The following DCST1 variants were observed in gnomAD, a reference collection of about 807,000 sequenced individuals.
DCST1 encodes E3 ubiquitin-protein ligase DCST1.
DCST1 carries 78 observed loss-of-function variants against 89.1 expected under a neutral mutation model. The ratio of observed to expected loss-of-function variants is 0.88; its 90% confidence interval spans 0.73 to 1.06. The LOEUF (loss-of-function observed/expected upper bound fraction) is 1.06. DCST1 is among the 50% of genes least tolerant of loss of function. The pLI is 0.00. For missense variants in DCST1, 900 were observed against 928.6 expected, an observed-to-expected ratio of 0.97 and a Z score of 0.40; for synonymous variants, 364 against 371.9, an observed-to-expected ratio of 0.98 and a Z score of 0.24.
chr1:155,040,980 G>A (rs988897099), intron 6 of DCST1, among the ~76,000 whole-genome samples: 1 of 152,128 alleles, frequency 6.6e-6, no homozygotes, highest in Non-Finnish European at 1.5e-5. Flanking sequence ...GAGACTGGGG[G>A]TTTGGGAGAA....
chr1:155,035,654 G>C (rs1382360024), intron 4 of DCST1, among the ~76,000 whole-genome samples: 2 of 152,146 alleles, frequency 1.3e-5, no homozygotes, highest in Non-Finnish European at 2.9e-5. Flanking sequence ...AACAGGCCAG[G>C]CACAATGGCT....
Position 155,043,415 on chromosome 1 carries a change from C to T in DCST1, c.1078C>T (p.Arg360Trp), listed in dbSNP as rs142085748. The change falls in exon 10 of 17, where the codon CGG (arginine) becomes TGG (tryptophan). Residue 360 changes from arginine to tryptophan, a missense_variant. Arg to Trp is a moderately radical substitution (Grantham distance 101). Coordinates refer to ENST00000295542, the MANE Select transcript of DCST1 (RefSeq NM_152494.4). The stretch of plus-strand genomic sequence containing the variant: ...CTGGGAGCGCGTGAGCACCGAGGTG[C>T]GGGACTACGTGTACCGCCAGGAGGC... ...TSWERVSTEV[R>W]DYVYRQEARL... The T allele has an allele frequency of 1.6e-4, 257 of 1,611,466 alleles. No individual in the cohort carries two copies. The African/African-American group carries it at 1.7e-3, about 11-fold the overall frequency.
At position 155,034,706 on chromosome 1, in the gene DCST1, A is replaced by T; in HGVS notation, c.241A>T (p.Met81Leu). 1 of 1,614,160 alleles carries T rather than the reference A, an allele frequency of 6.2e-7. No individual in the cohort carries two copies. The highest frequency in any genetic ancestry group is 8.5e-7 in the Non-Finnish European group (1 of 1,180,040). Residue 81 changes from methionine (M) to leucine (L), a missense_variant, in exon 4 of 17, where the codon ATG becomes TTG. Physicochemically the swap from Met to Leu is conservative, Grantham distance 15 (BLOSUM62 2). Transcript: ENST00000295542. The part of the protein sequence containing the change: ...PMNIYEEQKI[M>L]FLYSLVGLGA... ...GAACATCTACGAAGAACAGAAGATT[A>T]TGTTCTTGTACAGCTTGGTGGGTTA... is the stretch of plus-strand genomic sequence containing the variant.
chr1:155,041,021 G>A lies in DCST1; in HGVS notation c.532-376G>A, dbSNP rs534594441. 2.0e-5 allele frequency among the ~76,000 whole-genome samples: 3 copies of A among 152,196 alleles called. No homozygotes were observed. The South Asian group carries it at 6.2e-4, about 32-fold the overall frequency. ...GAGCTGGAGAGTTGGGGACATGGGG[G>A]CTGAGGGGTTTGGAAGTTGGGGGCA... On this transcript the variant is annotated intron_variant, in intron 6 of 16. Transcript: ENST00000295542.
chr1:155,040,785 TG>T (rs1471337273), intron 6 of DCST1, among the ~76,000 whole-genome samples, 161 bp downstream of exon 6: 1 of 152,270 alleles, frequency 6.6e-6, no homozygotes, highest in African/African-American at 2.4e-5. Context: ...GCCCTGGTCC[TG>T]GTGTTAAATG....
intron 16 of DCST1, chr1:155,049,003 G>A (rs1337366540): frequency 5.6e-6 from 4 of 716,906 alleles, no homozygotes; most frequent in Non-Finnish European, 1.0e-5. Flanking sequence ...GGTCTTCACT[G>A]AGCCTCAGTT....
intron 13 of DCST1, among the ~76,000 whole-genome samples, chr1:155,046,790 G>C (rs2102362075): frequency 6.6e-6 from 1 of 152,000 alleles, no homozygotes; most frequent in South Asian, 2.1e-4. Context: ...ATTTTTAGTA[G>C]AGACAGAGTT....
chr1:155,050,601 G>C lies in DCST1; in HGVS notation c.1870-16G>C. ...GCCTCGCTCCCGGGCTGGCGCTAAC[G>C]CCCACCTCCCAACAGCGCCACCCGC... is the stretch of plus-strand genomic sequence containing the variant. On this transcript the variant is annotated splice_polypyrimidine_tract_variant and intron_variant, in intron 16 of 16. Transcript: ENST00000295542. 1 of 1,562,202 alleles carries C rather than the reference G, an allele frequency of 6.4e-7. No homozygotes were observed.
intron 4 of DCST1, among the ~76,000 whole-genome samples, chr1:155,036,655 T>G (rs1216181267): frequency 1.3e-5 from 2 of 152,260 alleles, no homozygotes; most frequent in East Asian, 3.8e-4. Context: ...GACAAAAGTC[T>G]TAAGTCACTA....
At position 155,050,858 on chromosome 1, in the gene DCST1, A is replaced by G; in HGVS notation, c.2111A>G (p.Tyr704Cys). The G allele has an allele frequency of 6.2e-7, 1 of 1,609,798 alleles. No homozygotes were observed. The highest frequency in any genetic ancestry group is 1.3e-5 in the African/African-American group (1 of 74,968). The stretch of plus-strand genomic sequence containing the variant: ...AGTGACAGCAACGACGACACTGCCT[A>G]CGCGGGGTGAAGAGGCGTCCTGCTC... ...AFSDSNDDTA[Y>C]AG Residue 704 changes from tyrosine to cysteine, a missense_variant, in exon 17 of 17, where the codon TAC becomes TGC. Tyr to Cys is a radical substitution (Grantham distance 194). Transcript: ENST00000295542.
At chr1:155,039,345 T>A in intron 4 of DCST1, 58 bp from the exon 5 acceptor site, 1 of 1,463,926 alleles carries the variant, frequency 6.8e-7, no homozygotes, top group Non-Finnish European at 9.1e-7. Flanking sequence ...CTGGTAAACG[T>A]GAGGAAGGGA....
In DCST1 at chr1:155,050,702, C is replaced by G. The variant is rs770372831; in HGVS notation, c.1955C>G (p.Pro652Arg). 2.5e-6 allele frequency: 4 copies of G among 1,606,498 alleles called. No individual in the cohort carries two copies. The Admixed American group carries it at 5.0e-5, about 20-fold the overall frequency. The change falls in exon 17 of 17, where the codon CCC (proline) becomes CGC (arginine). Residue 652 changes from proline to arginine, a missense_variant. By Grantham distance (103) the Pro-to-Arg change is moderately radical (BLOSUM62 -2). Transcript: ENST00000295542. ...CGGCGCTGCGTGGTGTGCCAGGCAC[C>G]CGAGACGCCCGAGTCCTACGTGTGC... ...LCRRCVVCQA[P>R]ETPESYVCRT...
intron 12 of DCST1, 57 bp from the exon 13 acceptor site, chr1:155,046,303 G>A: frequency 6.2e-7 from 1 of 1,614,032 alleles, no homozygotes; most frequent in Non-Finnish European, 8.5e-7. Context: ...ACCAGAGAGT[G>A]CTCCGTGCCC....
At position 155,050,695 on chromosome 1, in the gene DCST1, C is replaced by T. The variant is rs781662847; in HGVS notation, c.1948C>T (p.Gln650Ter). 2.5e-6 allele frequency: 4 copies of T among 1,605,780 alleles called. No individual in the cohort carries two copies. Among genetic ancestry groups the T allele is most frequent in the Non-Finnish European group, 3.4e-6 (4 of 1,177,334 alleles). ...RWLCRRCVVCQAPETPESYVC... is the reference protein window; with the variant it reads ...RWLCRRCVVC ...GCTGTGCCGGCGCTGCGTGGTGTGCCAGGCACCCGAGACGCCCGAGTCCTA... is the reference window on the plus strand; with the variant it reads ...GCTGTGCCGGCGCTGCGTGGTGTGCTAGGCACCCGAGACGCCCGAGTCCTA... Residue 650 changes from glutamine (Q) to a stop codon, truncating the protein, a stop_gained, in exon 17 of 17, where the codon CAG becomes TAG. Transcript: ENST00000295542. LOFTEE classifies it high-confidence loss of function.
chr1:155,035,051 A>AATTCATTCATTCATTC (rs34390501), intron 4 of DCST1: 1 of 284,566 alleles, frequency 3.5e-6, no homozygotes, highest in African/African-American at 2.2e-5. Context: ...TAAGAAATTA[A>AATTCATTCATTCATTC]ATTCATTCAT....
At chr1:155,047,175 T>C (rs776534912) in intron 13 of DCST1, 21 bp from the exon 14 acceptor site, 4 of 1,601,728 alleles carry the variant, frequency 2.5e-6, no homozygotes, top group Non-Finnish European at 3.4e-6. Flanking sequence ...CTGACTTCCC[T>C]ACCTGTCCTC....
At chr1:155,042,965 C>A in intron 9 of DCST1, 109 bp downstream of exon 9, 1 of 1,463,532 alleles carries the variant, frequency 6.8e-7, no homozygotes, top group South Asian at 1.4e-5. Flanking sequence ...AAAGAGGTGA[C>A]CAGGGGTGAG....
At chr1:155,049,157 C>T (rs559742767) in intron 16 of DCST1, 46 of 700,040 alleles carry the variant, frequency 6.6e-5, no homozygotes, top group South Asian at 5.2e-4. Flanking sequence ...ACTATGACAA[C>T]GGTGTGACCT....
At position 155,039,535 on chromosome 1, in the gene DCST1, A is replaced by G. The variant is rs750239044; in HGVS notation, c.391+4A>G. 4.4e-6 allele frequency: 7 copies of G among 1,582,338 alleles called. No homozygotes were observed. The highest frequency in any genetic ancestry group is 1.4e-5 in the African/African-American group (1 of 73,984). ...GCCTTGGCTGCCATCTATGTGGGTG[A>G]GTATGTGGGGGCCAGTGAGTTACAC... On this transcript the variant is annotated splice_donor_region_variant and intron_variant, in intron 5 of 16. Coordinates refer to ENST00000295542, the MANE Select transcript of DCST1 (RefSeq NM_152494.4).
Sources: gnomAD v4.1 joint callset for allele counts (sites outside exome capture counted in the v4.1 genomes callset) on GRCh38, gnomAD v4.1.1 for gene constraint, MANE v1.5 for transcripts, NCBI Gene and HGNC (gene_info 2026-07-23, HGNC 2026-07-21) for gene names.